LMO7: variants seen among roughly 807,000 people sequenced by gnomAD.
LMO7 encodes LIM domain only protein 7.
In LMO7, 120 loss-of-function variants were observed where a neutral mutation model predicts 206.5. The ratio of observed to expected loss-of-function variants is 0.58; its 90% CI spans 0.50 to 0.68. The LOEUF (loss-of-function observed/expected upper bound fraction) is 0.68, where lower values mean the gene tolerates loss of function less well. Ranked by LOEUF, LMO7 falls within the 30% of genes least tolerant of loss-of-function variation. The pLI is 0.00. For synonymous variants in LMO7, 706 were observed against 681.5 expected, an observed-to-expected ratio of 1.04 and a Z score of -0.56; for missense variants, 1,959 against 1,957.9, an observed-to-expected ratio of 1.00 and a Z score of -0.01.
intron 8 of LMO7, 132 bp from the exon 9 acceptor site, chr13:75,805,347 G>A (rs547919803): frequency 3.9e-5 from 40 of 1,037,514 alleles, no homozygotes; most frequent in Admixed American, 5.6e-5. Flanking sequence ...AGGAGCTGTG[G>A]TGGTGATGAG....
At chr13:75,717,932 C>A (rs75564176) in intron 2 of LMO7, among the ~76,000 whole-genome samples, 1 of 152,206 alleles carries the variant, frequency 6.6e-6, no homozygotes, top group Non-Finnish European at 1.5e-5. Context: ...GTTTTTACAG[C>A]CTTTTGAAAT....
intron 13 of LMO7, among the ~76,000 whole-genome samples, chr13:75,820,926 G>A (rs2057510033): frequency 6.6e-6 from 1 of 151,882 alleles, no homozygotes; most frequent in African/African-American, 2.4e-5. Flanking sequence ...GAATGCGGGA[G>A]GCGGAGGTTG....
At chr13:75,666,209 T>C (rs1016644316) in intron 1 of LMO7, among the ~76,000 whole-genome samples, 3 of 152,244 alleles carry the variant, frequency 2.0e-5, no homozygotes, top group African/African-American at 7.2e-5. Flanking sequence ...CATTTATGCC[T>C]AGTGTTCCAT....
intron 3 of LMO7, chr13:75,760,666 G>T: frequency 6.6e-7 from 1 of 1,509,240 alleles, no homozygotes; most frequent in Non-Finnish European, 8.8e-7. Context: ...CCTGTAACAG[G>T]TAATGTTTAA....
intron 11 of LMO7, among the ~76,000 whole-genome samples, chr13:75,810,959 T>C (rs1026906722): frequency 6.6e-6 from 1 of 152,242 alleles, no homozygotes; most frequent in Admixed American, 6.5e-5. Context: ...ATATTTGTTT[T>C]AAAGGCTGTT....
upstream of LMO7, chr13:75,636,245 C>G (rs1422593842): frequency 1.1e-6 from 1 of 906,040 alleles, no homozygotes; most frequent in Non-Finnish European, 1.3e-6. Context: ...AGCGGCGACT[C>G]GGCGGGCCCC....
At chr13:75,742,111 C>T (rs2046462035) in intron 3 of LMO7, among the ~76,000 whole-genome samples, 1 of 152,112 alleles carries the variant, frequency 6.6e-6, no homozygotes, top group East Asian at 1.9e-4. Flanking sequence ...ATTAGGAACA[C>T]AGTCCCATTC....
intron 3 of LMO7, among the ~76,000 whole-genome samples, chr13:75,755,448 C>T (rs1391743822): frequency 1.3e-5 from 2 of 152,074 alleles, no homozygotes; most frequent in African/African-American, 4.8e-5. Context: ...AGGTATTTTT[C>T]TCTCTTGACT....
chr13:75,647,143 T>C (rs1345202625), intron 1 of LMO7, among the ~76,000 whole-genome samples: 1 of 152,236 alleles, frequency 6.6e-6, no homozygotes, highest in East Asian at 1.9e-4. Context: ...AAGTGCCTTA[T>C]GTACAAGGAC....
chr13:75,764,769 C>T (rs942453718), intron 4 of LMO7, among the ~76,000 whole-genome samples: 5 of 152,142 alleles, frequency 3.3e-5, no homozygotes, highest in African/African-American at 9.6e-5. Flanking sequence ...GGCAAGTCTT[C>T]AGATACATTC....
chr13:75,841,380 C>T (rs1050207092), intron 23 of LMO7, among the ~76,000 whole-genome samples, 179 bp downstream of exon 23: 3 of 152,160 alleles, frequency 2.0e-5, no homozygotes, highest in Non-Finnish European at 2.9e-5. Flanking sequence ...TGCAGCCTTT[C>T]TCCTAGTTTT....
intron 1 of LMO7, among the ~76,000 whole-genome samples, chr13:75,698,086 C>T (rs1452650253): frequency 6.6e-6 from 1 of 151,886 alleles, no homozygotes. Flanking sequence ...TGGAAAAAGA[C>T]AATAAATGTA....
intron 1 of LMO7, among the ~76,000 whole-genome samples, chr13:75,686,961 A>G (rs988656265): frequency 6.6e-6 from 1 of 152,154 alleles, no homozygotes; most frequent in Admixed American, 6.5e-5. Context: ...CAAATTTCAT[A>G]GATGAGGTCT....
chr13:75,701,666 A>G (rs2042295074), intron 1 of LMO7, among the ~76,000 whole-genome samples: 1 of 152,202 alleles, frequency 6.6e-6, no homozygotes, highest in Non-Finnish European at 1.5e-5. Context: ...AAATAATTTA[A>G]GGCTAGACTT....
At chr13:75,723,984 A>G (rs1253721600) in intron 2 of LMO7, among the ~76,000 whole-genome samples, 1 of 152,094 alleles carries the variant, frequency 6.6e-6, no homozygotes, top group Non-Finnish European at 1.5e-5. Context: ...TTGTTGTGGA[A>G]GGGGCAAGGC....
chr13:75,714,358 T>C (rs1279015401), intron 2 of LMO7, among the ~76,000 whole-genome samples: 1 of 152,216 alleles, frequency 6.6e-6, no homozygotes, highest in Non-Finnish European at 1.5e-5. Context: ...TTTAAGGTTT[T>C]TATAAACGAT....
At chr13:75,633,186 C>T (rs931370851), upstream of LMO7, among the ~76,000 whole-genome samples, 10 of 151,968 alleles carry the variant, frequency 6.6e-5, no homozygotes, top group East Asian at 1.9e-4. Flanking sequence ...TTTGAATAGC[C>T]GACAAGAGAG....
chr13:75,732,271 A>G lies in LMO7; in HGVS notation c.210+5173A>G, dbSNP rs577100179. On this transcript the variant is annotated intron_variant, in intron 3 of 30. Transcript: ENST00000377534. ...TCACTTTCAGGTACACCAGTCAGACATAGATTTGGTCTTTTCACATAGTCC... is the reference window on the plus strand; with the variant it reads ...TCACTTTCAGGTACACCAGTCAGACGTAGATTTGGTCTTTTCACATAGTCC... 1.3e-4 allele frequency among the ~76,000 whole-genome samples: 20 copies of G among 152,234 alleles called. No homozygotes were observed. In the East Asian group the frequency reaches 3.3e-3, roughly 25 times the overall value.
rs572984977 is a variant in LMO7, at chr13:75,629,545, C to A, written c.225+6225C>A. On this transcript the variant is annotated intron_variant, in intron 2 of 29. Coordinates refer to the LMO7 transcript ENST00000341547. ...AGCAAGGCAAAGGAAGGGAGAGAAA[C>A]ACATTTCTGGAAAAGGGAGAAGCAC... is the stretch of plus-strand genomic sequence containing the variant. Among the ~76,000 whole-genome samples, 53 of 152,250 alleles carry A rather than the reference C, an allele frequency of 3.5e-4. 1 individual carries two copies. In the Middle Eastern group the frequency reaches 0.014, roughly 39 times the overall value.
Sources: gnomAD v4.1 joint callset for allele counts (sites outside exome capture counted in the v4.1 genomes callset) on GRCh38, gnomAD v4.1.1 for gene constraint, MANE v1.5 for transcripts, NCBI Gene and HGNC (gene_info 2026-07-23, HGNC 2026-07-21) for gene names.